NUP85: variants seen among roughly 807,000 people sequenced by gnomAD.
The protein encoded by NUP85 is nucleoporin 85, also known as nuclear pore complex protein Nup85.
In NUP85, 23 loss-of-function variants were observed where a neutral mutation model predicts 92.8. The observed-to-expected ratio is 0.25, with a 90% CI of 0.18 to 0.35. The LOEUF is 0.35. Among genes scored for constraint, NUP85 ranks in the 10% least tolerant of loss-of-function variants. The pLI is 1.00. For synonymous variants in NUP85, 314 were observed against 306.9 expected (o/e 1.02, Z -0.24); for missense variants, 759 against 822.8 (o/e 0.92, Z 0.95).
At chr17:75,210,033 A>G in intron 3 of NUP85, 48 bp downstream of exon 3, 1 of 1,535,530 alleles carries the variant, frequency 6.5e-7, no homozygotes, top group Non-Finnish European at 8.8e-7. Context: ...CACTGTGGAA[A>G]GCCAAATGAA....
chr17:75,233,437 C>CTTTTTTTTTTTTTTTTTTTTTTTTCTTT (rs60396796), intron 16 of NUP85, among the ~76,000 whole-genome samples: 1 of 117,186 alleles, frequency 8.5e-6, no homozygotes, highest in African/African-American at 3.5e-5. Flanking sequence ...TTTATTTTTT[C>CTTTTTTTTTTTTTTTTTTTTTTTTCTTT]TTTTTTTTTT....
Position 75,225,186 on chromosome 17 carries a change from A to T in NUP85, c.681A>T (p.Ala227=), listed in dbSNP as rs1185662974. Residue 227 remains alanine, a synonymous_variant, in exon 8 of 19, where the codon GCA becomes GCT. Coordinates refer to ENST00000245544, the MANE Select transcript of NUP85 (RefSeq NM_024844.5). Reference sequence around the variant, plus strand: ...AAGCCGATGCCAGCCCCGCCTCTGCAGGCATATGCCGAATCATGGGGGACC... The same window carrying T: ...AAGCCGATGCCAGCCCCGCCTCTGCTGGCATATGCCGAATCATGGGGGACC... ...SKEADASPAS[A]GICRIMGDLM... 1 of 1,609,930 alleles carries T rather than the reference A, an allele frequency of 6.2e-7. No individual in the cohort carries two copies. Among genetic ancestry groups the T allele is most frequent in the African/African-American group, 1.3e-5 (1 of 74,898 alleles).
At chr17:75,233,240 C>T (rs2076147420) in intron 16 of NUP85, 82 bp downstream of exon 16, 1 of 1,068,650 alleles carries the variant, frequency 9.4e-7, no homozygotes, top group Admixed American at 1.8e-5. Flanking sequence ...CAGACTTCTC[C>T]CAGCGCTTCC....
intron 3 of NUP85, 24 bp downstream of exon 3, chr17:75,210,009 T>C (rs1259716648): frequency 1.3e-6 from 2 of 1,586,642 alleles, no homozygotes; most frequent in African/African-American, 2.7e-5. Flanking sequence ...TGTTTGGTGT[T>C]GAAGCCCACA....
intron 7 of NUP85, among the ~76,000 whole-genome samples, chr17:75,219,860 G>A (rs965413598): frequency 1.3e-5 from 2 of 152,088 alleles, no homozygotes; most frequent in African/African-American, 4.8e-5. Flanking sequence ...GCTGAAGAAA[G>A]CATTCCAGAT....
chr17:75,235,194 A>C lies in NUP85; in HGVS notation c.1862A>C (p.Gln621Pro). 1.9e-6 allele frequency: 3 copies of C among 1,612,294 alleles called. No individual in the cohort carries two copies. Among genetic ancestry groups the C allele is most frequent in the Non-Finnish European group, 2.5e-6 (3 of 1,179,072 alleles). The change falls in exon 18 of 19, where the codon CAG (glutamine) becomes CCG (proline). Residue 621 changes from glutamine (Q) to proline (P), a missense_variant. Gln to Pro is a moderately conservative substitution (Grantham distance 76, BLOSUM62 -1). Coordinates refer to ENST00000245544, the MANE Select transcript of NUP85 (RefSeq NM_024844.5). ...GTGCATGGAGAATCTGATACCGAGC[A>C]GCTCCAGGTCATTTTCACTTTTGGG... ...RPVHGESDTE[Q>P]LQDDDIETTK...
At chr17:75,222,940 C>T (rs972298512) in intron 7 of NUP85, among the ~76,000 whole-genome samples, 28 of 149,174 alleles carry the variant, frequency 1.9e-4, no homozygotes, top group Non-Finnish European at 3.7e-4. Context: ...GAGGCTGAGG[C>T]AGGAGAATGG....
chr17:75,227,336 T>TGG (rs2075845453), intron 11 of NUP85, among the ~76,000 whole-genome samples: 5 of 145,666 alleles, frequency 3.4e-5, no homozygotes, highest in South Asian at 4.4e-4. Context: ...GTTTTTTTTT[T>TGG]TTTTTTTTTT....
At position 75,226,096 on chromosome 17, in the gene NUP85, C is replaced by T. The variant is rs370022411; in HGVS notation, c.1033C>T (p.Leu345=). 5 of 1,614,038 alleles carry T rather than the reference C, an allele frequency of 3.1e-6. No individual in the cohort carries two copies. In the African/African-American group the frequency reaches 4.0e-5, roughly 13 times the overall value. ...FLGGESSPEP[L]DNILLAAFEF... ...GGGAGGTGAGAGCAGCCCAGAACCC[C>T]TGGACAACATCTTGTTGGCAGCCTT... Residue 345 remains leucine (L), a synonymous_variant, in exon 11 of 19, where the codon CTG becomes TTG. Coordinates refer to ENST00000245544, the MANE Select transcript of NUP85 (RefSeq NM_024844.5).
chr17:75,217,668 G>T (rs1416841867), intron 6 of NUP85, among the ~76,000 whole-genome samples: 1 of 152,038 alleles, frequency 6.6e-6, no homozygotes, highest in South Asian at 2.1e-4. Flanking sequence ...CACCACGCCC[G>T]GCTAATTTTT....
At chr17:75,215,053 C>G (rs1464457859) in intron 5 of NUP85, among the ~76,000 whole-genome samples, 1 of 152,014 alleles carries the variant, frequency 6.6e-6, no homozygotes, top group Non-Finnish European at 1.5e-5. Context: ...CGCCTGTAAT[C>G]CCAGCTACTG....
chr17:75,212,241 GTTGTTGTTTTTTTTTTTTT>G (rs2075292570), intron 4 of NUP85, among the ~76,000 whole-genome samples, 179 bp downstream of exon 4: 1 of 2,758 alleles, frequency 3.6e-4, no homozygotes, highest in Admixed American at 5.0e-3. Flanking sequence ...TTTTTTTTTT[GTTGTTGTTTTTTTTTTTTT>G]TTTTTTTTTT....
chr17:75,213,891 A>C, intron 5 of NUP85, among the ~76,000 whole-genome samples: 1 of 95,320 alleles, frequency 1.0e-5, no homozygotes, highest in Non-Finnish European at 2.0e-5. Context: ...TTTTTTTTTG[A>C]GACGGAGTCT....
intron 16 of NUP85, among the ~76,000 whole-genome samples, chr17:75,233,802 G>T (rs2076202562): frequency 6.6e-6 from 1 of 152,100 alleles, no homozygotes; most frequent in East Asian, 1.9e-4. Context: ...GTTTCACCGT[G>T]TTAGCCAGGA....
At chr17:75,215,703 G>A (rs2075409307) in intron 5 of NUP85, 51 bp from the exon 6 acceptor site, 2 of 1,558,460 alleles carry the variant, frequency 1.3e-6, no homozygotes, top group South Asian at 1.1e-5. Context: ...GGCTCTGAGA[G>A]CAAAGCTCAG....
chr17:75,207,775 G>T (rs889550759), intron 1 of NUP85, among the ~76,000 whole-genome samples: 7 of 151,940 alleles, frequency 4.6e-5, no homozygotes, highest in Non-Finnish European at 8.8e-5. Context: ...ACCGCGCTTG[G>T]CTAGGAGTTC....
intron 11 of NUP85, chr17:75,228,807 G>A (rs755332110): frequency 3.0e-6 from 3 of 985,206 alleles, no homozygotes; most frequent in Non-Finnish European, 3.6e-6. Flanking sequence ...GTCAATAATC[G>A]TGCCAGACCC....
chr17:75,226,679 C>T (rs747636836), intron 11 of NUP85: 5 of 403,248 alleles, frequency 1.2e-5, no homozygotes, highest in African/African-American at 2.0e-5. Context: ...TGGCTTTTCT[C>T]TGGGTGAGCT....
At chr17:75,220,878 A>ATTTTT (rs71159457) in intron 7 of NUP85, among the ~76,000 whole-genome samples, 3 of 97,564 alleles carry the variant, frequency 3.1e-5, no homozygotes, top group Non-Finnish European at 5.7e-5. Flanking sequence ...CACCATCCCA[A>ATTTTT]TTTTTTTTTT....
Sources: gnomAD v4.1 joint callset for allele counts (sites outside exome capture counted in the v4.1 genomes callset) on GRCh38, gnomAD v4.1.1 for gene constraint, MANE v1.5 for transcripts, NCBI Gene and HGNC (gene_info 2026-07-23, HGNC 2026-07-21) for gene names.